Variants in COL25A1 observed in about 807,000 individuals in gnomAD.
The protein encoded by COL25A1 is collagen type XXV alpha 1 chain, also known as collagen alpha-1(XXV) chain.
A neutral mutation model predicts 128.4 loss-of-function variants in COL25A1; 103 were observed. The observed-to-expected ratio is 0.80, with a 90% CI of 0.68 to 0.94. The LOEUF (loss-of-function observed/expected upper bound fraction) is 0.94. Among genes scored for constraint, COL25A1 ranks in the 40% least tolerant of loss-of-function variants. COL25A1 has a pLI of 0.00. For missense variants in COL25A1, 745 were observed against 840.0 expected, an observed-to-expected ratio of 0.89 and a Z score of 1.40; for synonymous variants, 279 against 277.2, an observed-to-expected ratio of 1.01 and a Z score of -0.06.
intron 3 of COL25A1, among the ~76,000 whole-genome samples, chr4:109,239,553 A>AT (rs1263916086): frequency 6.6e-6 from 1 of 151,306 alleles, no homozygotes; most frequent in African/African-American, 2.4e-5. Flanking sequence ...AGTATAAAAT[A>AT]TTTTTTTAAG....
intron 8 of COL25A1, among the ~76,000 whole-genome samples, chr4:108,952,246 C>T (rs1444537605): frequency 6.6e-6 from 1 of 151,908 alleles, no homozygotes; most frequent in African/African-American, 2.4e-5. Context: ...ATCTGGTATA[C>T]ATCTTTTAAT....
chr4:109,293,233 C>T (rs143392583), intron 3 of COL25A1, among the ~76,000 whole-genome samples: 2 of 152,084 alleles, frequency 1.3e-5, no homozygotes, highest in East Asian at 1.9e-4. Context: ...CAGAGAATTC[C>T]TCTGGCTCCC....
intron 3 of COL25A1, among the ~76,000 whole-genome samples, chr4:109,162,275 A>C (rs1157336346): frequency 6.6e-6 from 1 of 152,208 alleles, no homozygotes; most frequent in African/African-American, 2.4e-5. Context: ...GCAAAGGCCC[A>C]AAAATAGAAA....
At chr4:108,904,464 T>A (rs1743223697) in intron 13 of COL25A1, among the ~76,000 whole-genome samples, 1 of 152,110 alleles carries the variant, frequency 6.6e-6, no homozygotes, top group Non-Finnish European at 1.5e-5. Context: ...AAAGCATACA[T>A]CTTATATTGT....
chr4:109,229,028 C>T (rs997208590), intron 3 of COL25A1, among the ~76,000 whole-genome samples: 5 of 152,030 alleles, frequency 3.3e-5, no homozygotes, highest in Non-Finnish European at 4.4e-5. Flanking sequence ...AGAGAAGTAG[C>T]AAAATTTGGA....
At chr4:109,148,668 T>C (rs954575969) in intron 3 of COL25A1, among the ~76,000 whole-genome samples, 8 of 152,220 alleles carry the variant, frequency 5.3e-5, no homozygotes, top group African/African-American at 1.9e-4. Flanking sequence ...ATTTCTCATT[T>C]ACAATTTTGA....
intron 19 of COL25A1, among the ~76,000 whole-genome samples, chr4:108,873,528 G>C (rs895462742): frequency 9.6e-6 from 1 of 103,770 alleles, no homozygotes; most frequent in Non-Finnish European, 2.0e-5. Flanking sequence ...CTGTCTAGTA[G>C]TAGTAGTAGT....
intron 35 of COL25A1, chr4:108,823,878 T>G (rs1320782285): frequency 5.8e-6 from 8 of 1,368,870 alleles, no homozygotes; most frequent in Non-Finnish European, 7.5e-6. Flanking sequence ...TAAAATGATT[T>G]TTTTTTCAAA....
chr4:108,887,453 G>A (rs1338344142), intron 18 of COL25A1, among the ~76,000 whole-genome samples: 2 of 152,136 alleles, frequency 1.3e-5, no homozygotes, highest in Admixed American at 6.6e-5. Flanking sequence ...GCCAAGTCCC[G>A]ATATTAGACA....
At chr4:109,047,696 T>C (rs1371537513) in intron 5 of COL25A1, among the ~76,000 whole-genome samples, 2 of 151,080 alleles carry the variant, frequency 1.3e-5, no homozygotes, top group African/African-American at 4.8e-5. Flanking sequence ...ATTGTGTATC[T>C]AAAAAATAAT....
At position 109,130,194 on chromosome 4, in the gene COL25A1, G is replaced by A. The variant is rs1579460208; in HGVS notation, c.368-80015C>T. Among the ~76,000 whole-genome samples the A allele has an allele frequency of 4.6e-5, 7 of 152,168 alleles. 2 individuals are homozygous for A. The highest frequency in any genetic ancestry group is 4.6e-4 in the Admixed American group (7 of 15,280). On this transcript the variant is annotated intron_variant, in intron 3 of 37. Transcript: ENST00000399132. ...GGAGACTAAAATAGGCCATACTGAT[G>A]AGGATGATTAAAGTCAAATCAACAG... is the stretch of plus-strand genomic sequence containing the variant.
chr4:108,863,017 C>A (rs1432526202), intron 21 of COL25A1, among the ~76,000 whole-genome samples: 1 of 152,160 alleles, frequency 6.6e-6, no homozygotes, highest in Non-Finnish European at 1.5e-5. Context: ...ACTAACACAG[C>A]ACTTATCAAC....
intron 3 of COL25A1, among the ~76,000 whole-genome samples, chr4:109,135,796 C>T (rs1374330641): frequency 1.3e-5 from 2 of 152,082 alleles, no homozygotes; most frequent in Admixed American, 6.5e-5. Flanking sequence ...CCCCCAAAGC[C>T]ACAGACTTCA....
At chr4:109,222,056 C>CTTTTT (rs1778458393) in intron 3 of COL25A1, among the ~76,000 whole-genome samples, 1 of 110,280 alleles carries the variant, frequency 9.1e-6, no homozygotes, top group Admixed American at 9.0e-5. Context: ...CTCTAAATAA[C>CTTTTT]TTCTTTTTTT....
chr4:109,263,130 A>AAACAAC (rs5860976), intron 3 of COL25A1, among the ~76,000 whole-genome samples: 9 of 151,076 alleles, frequency 6.0e-5, no homozygotes, highest in Non-Finnish European at 1.3e-4. Context: ...CTCTGTCTCA[A>AAACAAC]AACAACAACA....
chr4:109,174,229 C>G (rs1773855997), intron 3 of COL25A1, among the ~76,000 whole-genome samples: 1 of 152,140 alleles, frequency 6.6e-6, no homozygotes, highest in Non-Finnish European at 1.5e-5. Flanking sequence ...CAAGTAGCAA[C>G]CGTGGTGTAA....
chr4:109,123,812 G>A (rs543192812), intron 3 of COL25A1, among the ~76,000 whole-genome samples: 3 of 152,108 alleles, frequency 2.0e-5, no homozygotes, highest in South Asian at 4.1e-4. Context: ...CAGCCATCAC[G>A]GATTATTCCT....
intron 3 of COL25A1, among the ~76,000 whole-genome samples, chr4:109,095,432 T>C (rs991701824): frequency 6.6e-6 from 1 of 152,240 alleles, no homozygotes; most frequent in African/African-American, 2.4e-5. Flanking sequence ...TATTTTTCAC[T>C]GGAAGAGGGC....
intron 3 of COL25A1, among the ~76,000 whole-genome samples, chr4:109,258,804 T>C (rs992867897): frequency 1.3e-5 from 2 of 152,204 alleles, no homozygotes; most frequent in Non-Finnish European, 2.9e-5. Context: ...GCATTTGTTC[T>C]TGCTATTTTC....
Sources: gnomAD v4.1 joint callset for allele counts (sites outside exome capture counted in the v4.1 genomes callset) on GRCh38, gnomAD v4.1.1 for gene constraint, MANE v1.5 for transcripts, NCBI Gene and HGNC (gene_info 2026-07-23, HGNC 2026-07-21) for gene names.